ATP1A1: variants seen among roughly 807,000 people sequenced by gnomAD.
ATP1A1 encodes ATPase Na+/K+ transporting subunit alpha 1.
In ATP1A1, 14 loss-of-function variants were observed where a neutral mutation model predicts 114.8. The observed-to-expected ratio is 0.12, with a 90% CI of 0.08 to 0.19. The LOEUF (loss-of-function observed/expected upper bound fraction) is 0.19, where lower values mean the gene tolerates loss of function less well. Ranked by LOEUF, ATP1A1 falls within the 10% of genes least tolerant of loss-of-function variation. The probability of loss-of-function intolerance (pLI) is 1.00; values close to 1 mark genes in which losing one functional copy is unlikely to be tolerated. For missense variants in ATP1A1, 524 were observed against 1,290.7 expected (o/e 0.41, Z 9.10); for synonymous variants, 471 against 466.3 (o/e 1.01, Z -0.13).
rs1652666762 is a variant in ATP1A1 at position 116,393,778 on chromosome 1, A to C, written c.1660+55A>C. The C allele has an allele frequency of 6.5e-7, 1 of 1,529,290 alleles. No individual in the cohort carries two copies. The highest frequency in any genetic ancestry group is 8.9e-7 in the Non-Finnish European group (1 of 1,125,470). The allele number at this position is 1,529,290 out of a possible 1,614,324, so 94.7% of individuals were successfully genotyped here. ...TGGGCACGTTTTTATCCAGTAACCT[A>C]GTCTGGTAGACAGTTAACAAGTGAT... On this transcript the variant is annotated intron_variant, in intron 12 of 22. Transcript: ENST00000295598. The surrounding 1 kb of genome is among the most constrained non-coding windows in gnomAD (Gnocchi z 5.0).
In ATP1A1 at chr1:116,398,606, C is replaced by T. The variant is rs763623978; in HGVS notation, c.2125-15C>T. ...AAGTGATTGGTATTAACCCGTTTTC[C>T]CTTTTCTGGGGTAGGGTGCTATCGT... On this transcript the variant is annotated splice_polypyrimidine_tract_variant and intron_variant, in intron 15 of 22. Transcript: ENST00000295598. This position sits in a 1 kb window ranked among gnomAD's most constrained non-coding sequence, Gnocchi z 6.1. 1.3e-5 allele frequency: 21 copies of T among 1,611,138 alleles called. No homozygotes were observed. The highest frequency in any genetic ancestry group is 1.6e-4 in the Middle Eastern group (1 of 6,064).
At chr1:116,396,296 TTG>T (rs1045448843) in intron 13 of ATP1A1, among the ~76,000 whole-genome samples, 8 of 150,814 alleles carry the variant, frequency 5.3e-5, no homozygotes, top group African/African-American at 2.0e-4. Flanking sequence ...TTTTTTTTTT[TTG>T]CTGGTTTTAG....
At position 116,401,921 on chromosome 1, in the gene ATP1A1, C is replaced by T. The variant is rs775281523; in HGVS notation, c.2951+266C>T. ...CTAGCTCCATGGAACTGCTCAACAGCGAACTGCATTGAGCACTCAGGTCTG... is the reference window on the plus strand; with the variant it reads ...CTAGCTCCATGGAACTGCTCAACAGTGAACTGCATTGAGCACTCAGGTCTG... On this transcript the variant is annotated intron_variant, in intron 21 of 22. Coordinates refer to ENST00000295598, the MANE Select transcript of ATP1A1 (RefSeq NM_000701.8). This position sits in a 1 kb window ranked among gnomAD's most constrained non-coding sequence, Gnocchi z 4.7. The T allele has an allele frequency of 1.1e-4, 53 of 479,264 alleles. No individual in the cohort carries two copies. The Admixed American group carries it at 1.4e-3, about 12-fold the overall frequency. The allele number at this position is 479,264 out of a possible 1,614,324, so 29.7% of individuals were successfully genotyped here. A position where few individuals can be genotyped will look rare whatever the true frequency, so the allele number is the denominator to read the frequency against.
chr1:116,373,749 A>G (rs1221339378), intron 1 of ATP1A1: 1 of 736,006 alleles, frequency 1.4e-6, no homozygotes, highest in Non-Finnish European at 1.6e-6. Flanking sequence ...GGAGCGCGGC[A>G]TTGCTTAGGG....
chr1:116,376,153 A>AGG (rs916076531), intron 1 of ATP1A1, among the ~76,000 whole-genome samples: 2 of 152,094 alleles, frequency 1.3e-5, no homozygotes, highest in Non-Finnish European at 2.9e-5. Flanking sequence ...AAAGATGAGG[A>AGG]GGGGGGGTCT....
rs1312399502 is a variant in ATP1A1 at position 116,404,341 on chromosome 1, CCT to C, written c.3044-74_3044-73del. 59 of 1,595,864 alleles carry C rather than the reference CCT, an allele frequency of 3.7e-5. No homozygotes were observed. In the Middle Eastern group the frequency reaches 9.9e-4, roughly 27 times the overall value. On this transcript the variant is annotated intron_variant, in intron 22 of 22. Transcript: ENST00000295598. This position sits in a 1 kb window ranked among gnomAD's most constrained non-coding sequence, Gnocchi z 4.8. ...CATCATCCTCCGGTTGGTTTTCATCCCTGTTTCCCTCTGTAATGCTGGAGCGA... is the reference window on the plus strand; with the variant it reads ...CATCATCCTCCGGTTGGTTTTCATCCGTTTCCCTCTGTAATGCTGGAGCGA...
intron 1 of ATP1A1, among the ~76,000 whole-genome samples, chr1:116,380,337 C>G (rs540813955): frequency 6.6e-6 from 1 of 152,308 alleles, no homozygotes; most frequent in South Asian, 2.1e-4. Context: ...TTTCAGAAGT[C>G]TCAAGAATTC....
chr1:116,376,943 A>G (rs1002694142), intron 1 of ATP1A1, among the ~76,000 whole-genome samples: 3 of 152,334 alleles, frequency 2.0e-5, no homozygotes, highest in Admixed American at 6.5e-5. Context: ...TAGGCTTGGC[A>G]CTCATCCATG....
chr1:116,386,619 A>G (rs1400913222), intron 3 of ATP1A1, among the ~76,000 whole-genome samples: 1 of 152,136 alleles, frequency 6.6e-6, no homozygotes, highest in African/African-American at 2.4e-5. Context: ...GAGAGCTTAT[A>G]TGTAATTGCC....
intron 1 of ATP1A1, among the ~76,000 whole-genome samples, chr1:116,379,992 TC>T (rs1458908665): frequency 1.3e-5 from 2 of 152,250 alleles, no homozygotes; most frequent in African/African-American, 4.8e-5. Context: ...TTGGGGCACT[TC>T]CTTTTGCCAT....
intron 1 of ATP1A1, chr1:116,373,733 G>A: frequency 9.0e-7 from 1 of 1,111,002 alleles, no homozygotes; most frequent in Non-Finnish European, 1.2e-6. Context: ...GGAGCGCCGA[G>A]GGGCTGGAGC....
In ATP1A1 at chr1:116,388,592, T is replaced by C. The variant is rs768213163; in HGVS notation, c.502-46T>C. 1 of 1,589,520 alleles carries C rather than the reference T, an allele frequency of 6.3e-7. No individual in the cohort carries two copies. Among genetic ancestry groups the C allele is most frequent in the Non-Finnish European group, 8.6e-7 (1 of 1,166,062 alleles). ...TATTTTCTTGTTTTGGACACTACCT[T>C]CTCTTTGTTGGTATACTAACGGTGT... On this transcript the variant is annotated intron_variant, in intron 5 of 22. Transcript: ENST00000295598. The surrounding 1 kb of genome is among the most constrained non-coding windows in gnomAD (Gnocchi z 5.6).
chr1:116,401,340 C>T lies in ATP1A1; in HGVS notation c.2849+80C>T. On this transcript the variant is annotated intron_variant, in intron 20 of 22. Transcript: ENST00000295598. The surrounding 1 kb of genome is among the most constrained non-coding windows in gnomAD (Gnocchi z 4.7). ...TGTAAACCCTTTGCCAAAAACTAAA[C>T]ATATGACACATATAGCCAGGTTTCT... is the stretch of plus-strand genomic sequence containing the variant. 6.3e-7 allele frequency: 1 copy of T among 1,593,852 alleles called. No homozygotes were observed. Among genetic ancestry groups the T allele is most frequent in the East Asian group, 2.2e-5 (1 of 44,534 alleles).
intron 1 of ATP1A1, among the ~76,000 whole-genome samples, chr1:116,379,351 G>A (rs1217367083): frequency 6.6e-6 from 1 of 152,318 alleles, no homozygotes; most frequent in Non-Finnish European, 1.5e-5. Context: ...TGAAGGCATG[G>A]TGGCCCCTCA....
Position 116,385,021 on chromosome 1 carries a change from C to G in ATP1A1, c.183+179C>G. 1 of 617,234 alleles carries G rather than the reference C, an allele frequency of 1.6e-6. No individual in the cohort carries two copies. The highest frequency in any genetic ancestry group is 2.8e-6 in the Non-Finnish European group (1 of 354,332). 38.2% of individuals were successfully genotyped at this position (617,234 alleles called of 1,614,324 possible). A position where few individuals can be genotyped will look rare whatever the true frequency, so the allele number is the denominator to read the frequency against. On this transcript the variant is annotated intron_variant, in intron 3 of 22. Transcript: ENST00000295598. This position sits in a 1 kb window ranked among gnomAD's most constrained non-coding sequence, Gnocchi z 4.3. The stretch of plus-strand genomic sequence containing the variant: ...ATTTATATGCTACCGTTTCTTTTCC[C>G]TGAAACTTTTTGAAAGTAGATGTTA...
In ATP1A1 at chr1:116,398,143, T is replaced by C; in HGVS notation, c.2124+105T>C. ...TGATGGATGGATGCATACCTCGCTG[T>C]ATTAGACTCAGTATAAATAGGCCAG... On this transcript the variant is annotated intron_variant, in intron 15 of 22. Coordinates refer to ENST00000295598, the MANE Select transcript of ATP1A1 (RefSeq NM_000701.8). This position sits in a 1 kb window ranked among gnomAD's most constrained non-coding sequence, Gnocchi z 6.1. 6.8e-7 allele frequency: 1 copy of C among 1,463,208 alleles called. No homozygotes were observed. The highest frequency in any genetic ancestry group is 2.3e-5 in the East Asian group (1 of 43,320). The allele number at this position is 1,463,208 out of a possible 1,614,324, so 90.6% of individuals were successfully genotyped here. A position where few individuals can be genotyped will look rare whatever the true frequency, so the allele number is the denominator to read the frequency against.
rs1653154459 is a variant in ATP1A1, at chr1:116,398,862, C to G, written c.2294-68C>G. On this transcript the variant is annotated intron_variant, in intron 16 of 22. Coordinates refer to ENST00000295598, the MANE Select transcript of ATP1A1 (RefSeq NM_000701.8). The surrounding 1 kb of genome is among the most constrained non-coding windows in gnomAD (Gnocchi z 6.1). Reference sequence around the variant, plus strand: ...CATTAGCATCCATTTCTGTATACTTCTTGGATATGTTCAGTTTCCAGTGTG... The same window carrying G: ...CATTAGCATCCATTTCTGTATACTTGTTGGATATGTTCAGTTTCCAGTGTG... The G allele has an allele frequency of 3.1e-6, 5 of 1,609,902 alleles. No homozygotes were observed. The East Asian group carries it at 1.1e-4, about 36-fold the overall frequency.
At position 116,397,833 on chromosome 1, in the gene ATP1A1, A is replaced by G; in HGVS notation, c.1974-55A>G. The G allele has an allele frequency of 1.3e-6, 2 of 1,574,428 alleles. No individual in the cohort carries two copies. Among genetic ancestry groups the G allele is most frequent in the Non-Finnish European group, 1.7e-6 (2 of 1,161,938 alleles). On this transcript the variant is annotated intron_variant, in intron 14 of 22. Coordinates refer to ENST00000295598, the MANE Select transcript of ATP1A1 (RefSeq NM_000701.8). The surrounding 1 kb of genome is among the most constrained non-coding windows in gnomAD (Gnocchi z 4.2). Reference sequence around the variant, plus strand: ...AGAATATCCCCTCTTGAGGTGATGGACACATGCTGGTGATGTGATGCGTGA... The same window carrying G: ...AGAATATCCCCTCTTGAGGTGATGGGCACATGCTGGTGATGTGATGCGTGA...
At position 116,387,428 on chromosome 1, in the gene ATP1A1, G is replaced by A. The variant is rs752122295; in HGVS notation, c.324G>A (p.Ala108=). The change falls in exon 4 of 23, where the codon GCG becomes GCA. Residue 108 remains alanine (A), a synonymous_variant. Transcript: ENST00000295598. This position sits in a 1 kb window ranked among gnomAD's most constrained non-coding sequence, Gnocchi z 6.7. ...GGFSMLLWIG[A]ILCFLAYSIQ... is the part of the protein sequence containing the mutation. The stretch of plus-strand genomic sequence containing the variant: ...TCTCAATGTTACTGTGGATTGGAGC[G>A]ATTCTTTGTTTCTTGGCTTATAGCA... 15 of 1,614,162 alleles carry A rather than the reference G, an allele frequency of 9.3e-6. No individual in the cohort carries two copies. Among genetic ancestry groups the A allele is most frequent in the South Asian group, 2.2e-5 (2 of 91,080 alleles).
Sources: allele counts gnomAD v4.1 joint callset (sites outside exome capture counted in the v4.1 genomes callset), GRCh38; gene constraint gnomAD v4.1.1; non-coding constraint Gnocchi (gnomAD v3.1); transcripts MANE v1.5; gene names NCBI Gene and HGNC (gene_info 2026-07-23, HGNC 2026-07-21).